The following FMN1 variants were observed in gnomAD, a reference collection of about 807,000 sequenced individuals.
FMN1 encodes formin-1.
FMN1 carries 110 observed loss-of-function variants against 132.4 expected under a neutral mutation model. That is an observed-to-expected ratio of 0.83 (90% CI 0.71 to 0.97). FMN1 has a LOEUF of 0.97. Among genes scored for constraint, FMN1 ranks in the 50% least tolerant of loss-of-function variants. The pLI is 0.00. For missense variants in FMN1, 1,792 were observed against 1,705.3 expected, an observed-to-expected ratio of 1.05 and a Z score of -0.90; for synonymous variants, 722 against 651.7, an observed-to-expected ratio of 1.11 and a Z score of -1.64.
At chr15:33,068,093 G>A in intron 5 of FMN1, 1 of 1,322,370 alleles carries the variant, frequency 7.6e-7, no homozygotes, top group Non-Finnish European at 9.8e-7. Context: ...CAGGGCAACT[G>A]TGAAAAATCT....
At chr15:32,775,200 A>G (rs949023941) in intron 20 of FMN1, among the ~76,000 whole-genome samples, 1 of 152,188 alleles carries the variant, frequency 6.6e-6, no homozygotes, top group Non-Finnish European at 1.5e-5. Flanking sequence ...ATTGGCCTAG[A>G]TATAAACTTA....
At chr15:33,094,129 G>C (rs995834167) in intron 4 of FMN1, among the ~76,000 whole-genome samples, 1 of 152,164 alleles carries the variant, frequency 6.6e-6, no homozygotes, top group Non-Finnish European at 1.5e-5. Context: ...CGTGGGTACA[G>C]GGCTTTAACA....
intron 6 of FMN1, among the ~76,000 whole-genome samples, chr15:33,023,796 T>C (rs974918702): frequency 6.6e-6 from 1 of 152,162 alleles, no homozygotes; most frequent in African/African-American, 2.4e-5. Flanking sequence ...GGAAACATAA[T>C]ACGTGATTTG....
chr15:33,097,035 T>C (rs1038579766), intron 4 of FMN1, among the ~76,000 whole-genome samples: 14 of 152,286 alleles, frequency 9.2e-5, no homozygotes, highest in Non-Finnish European at 1.8e-4. Flanking sequence ...GGCTCATGCC[T>C]GTAATCCCAG....
At chr15:32,893,425 G>T (rs1224938454) in intron 15 of FMN1, among the ~76,000 whole-genome samples, 1 of 152,270 alleles carries the variant, frequency 6.6e-6, no homozygotes, top group Non-Finnish European at 1.5e-5. Flanking sequence ...GTTGCTGAGT[G>T]TATCAGGCTG....
intron 3 of FMN1, among the ~76,000 whole-genome samples, chr15:33,165,460 G>A (rs1416306116): frequency 1.3e-5 from 2 of 152,084 alleles, no homozygotes; most frequent in African/African-American, 2.4e-5. Context: ...GCGCGATCTC[G>A]GCTCACTGCA....
intron 7 of FMN1, among the ~76,000 whole-genome samples, chr15:33,000,315 G>A (rs1481084731): frequency 6.6e-6 from 1 of 152,104 alleles, no homozygotes; most frequent in African/African-American, 2.4e-5. Flanking sequence ...TGGGTGCAGT[G>A]GCGGCCGCCT....
At chr15:32,895,012 A>G (rs980683651) in intron 15 of FMN1, among the ~76,000 whole-genome samples, 8 of 152,338 alleles carry the variant, frequency 5.3e-5, no homozygotes, top group African/African-American at 1.9e-4. Flanking sequence ...TGACTCTAGT[A>G]TAATTTATTT....
chr15:32,774,989 G>C (rs1441790951), intron 20 of FMN1, among the ~76,000 whole-genome samples: 1 of 152,102 alleles, frequency 6.6e-6, no homozygotes, highest in African/African-American at 2.4e-5. Context: ...GGACCCCCAT[G>C]GTATCTGTGA....
Position 33,013,669 on chromosome 15 carries a change from A to T in FMN1, c.2162-5594T>A, listed in dbSNP as rs572214371. 7.8e-4 allele frequency among the ~76,000 whole-genome samples: 119 copies of T among 152,364 alleles called. No individual in the cohort carries two copies. The Middle Eastern group carries it at 0.037, about 48-fold the overall frequency. On this transcript the variant is annotated intron_variant, in intron 6 of 20. Transcript: ENST00000616417. ...CAAATATCAATATAGGCAAAACAGAACATCTGAATTCATAAAATAAGAAGC... is the reference window on the plus strand; with the variant it reads ...CAAATATCAATATAGGCAAAACAGATCATCTGAATTCATAAAATAAGAAGC...
At chr15:33,011,753 T>G (rs35978285) in intron 6 of FMN1, among the ~76,000 whole-genome samples, 1 of 151,842 alleles carries the variant, frequency 6.6e-6, no homozygotes, top group Non-Finnish European at 1.5e-5. Flanking sequence ...TACAAAACTA[T>G]AGAAAATGAA....
chr15:33,132,322 C>T (rs973128717), intron 4 of FMN1, among the ~76,000 whole-genome samples: 1 of 152,156 alleles, frequency 6.6e-6, no homozygotes, highest in African/African-American at 2.4e-5. Flanking sequence ...CTTCTCATTC[C>T]CGCTCTCTTG....
At chr15:33,101,354 TA>T (rs1363290340) in intron 4 of FMN1, among the ~76,000 whole-genome samples, 2 of 152,118 alleles carry the variant, frequency 1.3e-5, no homozygotes. Context: ...CATAATCCTG[TA>T]ATCTAGGGGT....
At chr15:32,779,582 C>CA (rs1388366006) in intron 19 of FMN1, among the ~76,000 whole-genome samples, 1 of 152,150 alleles carries the variant, frequency 6.6e-6, no homozygotes, top group Non-Finnish European at 1.5e-5. Context: ...TAAACAGACA[C>CA]AGAGCTTTCA....
At chr15:33,156,519 G>A (rs1964680290) in intron 3 of FMN1, among the ~76,000 whole-genome samples, 2 of 151,672 alleles carry the variant, frequency 1.3e-5, no homozygotes, top group Non-Finnish European at 2.9e-5. Context: ...GGAAATCTTG[G>A]ACTCAAGCGA....
At chr15:33,139,736 A>T (rs1353545998) in intron 4 of FMN1, among the ~76,000 whole-genome samples, 1 of 152,240 alleles carries the variant, frequency 6.6e-6, no homozygotes, top group African/African-American at 2.4e-5. Flanking sequence ...TTCAAGTCAG[A>T]AGATCCGGCA....
Position 32,788,326 on chromosome 15 carries a change from G to A in FMN1, c.4130+10478C>T, listed in dbSNP as rs115236305. ...TAGTCTGGGAGACAGTTTGAAAACT[G>A]AAATCAGCCCTGTGTCATAAATTTG... On this transcript the variant is annotated intron_variant, in intron 19 of 20. Coordinates refer to ENST00000616417, the MANE Select transcript of FMN1 (RefSeq NM_001277313.2). 4.1e-3 allele frequency among the ~76,000 whole-genome samples: 624 copies of A among 152,346 alleles called. 13 individuals are homozygous for A. Among genetic ancestry groups the A allele is most frequent in the African/African-American group, 0.014 (581 of 41,582 alleles).
intron 7 of FMN1, among the ~76,000 whole-genome samples, chr15:32,986,491 C>T (rs954072831): frequency 1.1e-4 from 16 of 152,052 alleles, no homozygotes; most frequent in East Asian, 5.8e-4. Flanking sequence ...CAGATCTCTT[C>T]TTTGTGTAAA....
In FMN1 at chr15:32,873,062, G is replaced by A. The variant is rs749707825; in HGVS notation, c.3835+15110C>T. Among the ~76,000 whole-genome samples, 4 of 152,214 alleles carry A rather than the reference G, an allele frequency of 2.6e-5. No homozygotes were observed. In the South Asian group the frequency reaches 8.3e-4, roughly 32 times the overall value. On this transcript the variant is annotated intron_variant, in intron 16 of 20. Transcript: ENST00000616417. ...TGGAGCTGGCAGCCACTGCTAATCA[G>A]TTTGCCACTGTCTTCAGATTTAATG...
Sources: gnomAD v4.1 joint callset for allele counts (sites outside exome capture counted in the v4.1 genomes callset) on GRCh38, gnomAD v4.1.1 for gene constraint, MANE v1.5 for transcripts, NCBI Gene and HGNC (gene_info 2026-07-23, HGNC 2026-07-21) for gene names.